Variants in MED28 observed in about 807,000 individuals in gnomAD.
MED28 encodes mediator of RNA polymerase II transcription subunit 28.
MED28 carries 26 observed loss-of-function variants against 21.3 expected under a neutral mutation model. The observed-to-expected ratio is 1.22, with a 90% CI of 0.89 to 1.69. The LOEUF (loss-of-function observed/expected upper bound fraction) is 1.69. MED28 is among the 40% of genes most tolerant of loss of function. MED28 has a pLI of 0.00. For synonymous variants in MED28, 110 were observed against 87.6 expected (o/e 1.26, Z -1.43); for missense variants, 257 against 215.4 (o/e 1.19, Z -1.21).
chr4:17,614,858 T>C lies in MED28; in HGVS notation c.159+45T>C, dbSNP rs767705736. On this transcript the variant is annotated intron_variant, in intron 1 of 3. Transcript: ENST00000237380. ...TCTTTGTCCCTAGCCTTCCCTTTTTTCTGAAACGTGAACTGCGCGTACGCG... is the reference window on the plus strand; with the variant it reads ...TCTTTGTCCCTAGCCTTCCCTTTTTCCTGAAACGTGAACTGCGCGTACGCG... The C allele has an allele frequency of 4.0e-5, 62 of 1,548,504 alleles. 1 individual carries two copies. The South Asian group carries it at 7.2e-4, about 18-fold the overall frequency.
Position 17,623,643 on chromosome 4 carries a change from C to G in MED28, c.382C>G (p.Leu128Val). The change falls in exon 4 of 4, where the codon CTA (leucine) becomes GTA (valine). Residue 128 changes from leucine to valine, a missense_variant. Physicochemically the swap from Leu to Val is conservative, Grantham distance 32. Transcript: ENST00000237380. Reference protein sequence around the residue: ...LRNELQRKDALVQKHLTKLRH... With the variant: ...LRNELQRKDAVVQKHLTKLRH... ...GAATGAATTACAGCGGAAAGATGCA[C>G]TAGTCCAGAAGCACTTGACAAAGCT... is the stretch of plus-strand genomic sequence containing the variant. 1.2e-6 allele frequency: 2 copies of G among 1,614,238 alleles called. No individual in the cohort carries two copies. The highest frequency in any genetic ancestry group is 8.5e-7 in the Non-Finnish European group (1 of 1,180,048).
chr4:17,633,576 T>C lies in MED28; in HGVS notation c.*9778T>C. The C allele has an allele frequency of 1.0e-6, 1 of 961,564 alleles. No individual in the cohort carries two copies. Among genetic ancestry groups the C allele is most frequent in the Non-Finnish European group, 1.5e-6 (1 of 678,378 alleles). The allele number at this position is 961,564 out of a possible 1,614,324, so 59.6% of individuals were successfully genotyped here. A position where few individuals can be genotyped will look rare whatever the true frequency, so the allele number is the denominator to read the frequency against. ...TGATTCAGTGTCCCTTGTCTAATCA[T>C]CCATGAAAAAAGGCCTTCTGGAATT... On this transcript the variant is annotated 3_prime_UTR_variant, in exon 4 of 4. Coordinates refer to ENST00000237380, the MANE Select transcript of MED28 (RefSeq NM_025205.5).
intron 3 of MED28, among the ~76,000 whole-genome samples, chr4:17,622,802 A>G (rs1284208863): frequency 1.1e-4 from 16 of 152,230 alleles, no homozygotes. Flanking sequence ...CCTCACAATC[A>G]TGGCAGAAGG....
chr4:17,623,164 G>A (rs922687085), intron 3 of MED28, among the ~76,000 whole-genome samples: 1 of 149,546 alleles, frequency 6.7e-6, no homozygotes, highest in African/African-American at 2.6e-5. Context: ...ACTTTGGGAG[G>A]CTGAAGCAGG....
At chr4:17,617,759 T>G (rs138311073) in intron 1 of MED28, among the ~76,000 whole-genome samples, 2,355 of 152,010 alleles carry the variant, frequency 0.015, 59 homozygotes, top group African/African-American at 0.049. Context: ...AATACAAAAA[T>G]TAGTGGTCTC....
In MED28 at chr4:17,632,982, CATG is replaced by C. The variant is rs1025476976; in HGVS notation, c.*9187_*9189del. The C allele has an allele frequency of 2.3e-5, 4 of 174,088 alleles. No homozygotes were observed. Among genetic ancestry groups the C allele is most frequent in the African/African-American group, 9.5e-5 (4 of 42,206 alleles). 10.8% of individuals were successfully genotyped at this position (174,088 alleles called of 1,614,324 possible). A position where few individuals can be genotyped will look rare whatever the true frequency, so the allele number is the denominator to read the frequency against. Reference sequence around the variant, plus strand: ...TGTCACCCAGGCTGGAGTGCAGTGGCATGATCTCGGCTCACTGCAACCTCCAGC... The same window carrying C: ...TGTCACCCAGGCTGGAGTGCAGTGGCATCTCGGCTCACTGCAACCTCCAGC... On this transcript the variant is annotated 3_prime_UTR_variant, in exon 4 of 4. Coordinates refer to ENST00000237380, the MANE Select transcript of MED28 (RefSeq NM_025205.5).
intron 2 of MED28, among the ~76,000 whole-genome samples, chr4:17,621,241 T>C (rs984172604): frequency 1.3e-5 from 2 of 151,858 alleles, no homozygotes; most frequent in Non-Finnish European, 1.5e-5. Flanking sequence ...CTCAATCTCC[T>C]AACCTCATGA....
intron 1 of MED28, among the ~76,000 whole-genome samples, chr4:17,619,397 G>A (rs1714552519): frequency 1.3e-5 from 2 of 152,216 alleles, no homozygotes; most frequent in Non-Finnish European, 2.9e-5. Context: ...ACTAGTAGGG[G>A]ACAGATAATA....
chr4:17,621,544 G>T lies in MED28; in HGVS notation c.227-43G>T, dbSNP rs1044605134. On this transcript the variant is annotated intron_variant, in intron 2 of 3. Transcript: ENST00000237380. ...ATTTATGAGGGAGATAAATGAGTCT[G>T]TTGTTTTTCTTATTTTAATAATTTT... The T allele has an allele frequency of 3.0e-6, 4 of 1,335,698 alleles. No individual in the cohort carries two copies. The African/African-American group carries it at 4.5e-5, about 15-fold the overall frequency. The allele number at this position is 1,335,698 out of a possible 1,614,324, so 82.7% of individuals were successfully genotyped here.
In MED28 at chr4:17,634,014, A is replaced by G. The variant is rs576248417; in HGVS notation, c.*10216A>G. 2 of 646,830 alleles carry G rather than the reference A, an allele frequency of 3.1e-6. No individual in the cohort carries two copies. Among genetic ancestry groups the G allele is most frequent in the African/African-American group, 3.8e-5 (2 of 52,898 alleles). The allele number at this position is 646,830 out of a possible 1,614,324, so 40.1% of individuals were successfully genotyped here. A position where few individuals can be genotyped will look rare whatever the true frequency, so the allele number is the denominator to read the frequency against. On this transcript the variant is annotated 3_prime_UTR_variant, in exon 4 of 4. Transcript: ENST00000237380. The stretch of plus-strand genomic sequence containing the variant: ...GAGAAGAAGCAACAATTTCATTTAT[A>G]CACTTACATGCTATTTTTTAAAGCA...
chr4:17,632,708 G>C lies in MED28; in HGVS notation c.*8910G>C, dbSNP rs1011784888. On this transcript the variant is annotated 3_prime_UTR_variant, in exon 4 of 4. Coordinates refer to ENST00000237380, the MANE Select transcript of MED28 (RefSeq NM_025205.5). Reference sequence around the variant, plus strand: ...AATACCCACCATCTTTTCAGGGAAAGATAACTGCTTGTTTACTCTTCAAAA... The same window carrying C: ...AATACCCACCATCTTTTCAGGGAAACATAACTGCTTGTTTACTCTTCAAAA... 2.2e-6 allele frequency: 2 copies of C among 915,726 alleles called. No homozygotes were observed. The highest frequency in any genetic ancestry group is 3.4e-6 in the Non-Finnish European group (2 of 591,978). 56.7% of individuals were successfully genotyped at this position (915,726 alleles called of 1,614,324 possible). A position where few individuals can be genotyped will look rare whatever the true frequency, so the allele number is the denominator to read the frequency against.
In MED28 at chr4:17,629,590, T is replaced by G. The variant is rs554837370; in HGVS notation, c.*5792T>G. 1 of 152,184 alleles carries G rather than the reference T, an allele frequency of 6.6e-6. No homozygotes were observed. The highest frequency in any genetic ancestry group is 1.5e-5 in the Non-Finnish European group (1 of 68,042). 9.4% of individuals were successfully genotyped at this position (152,184 alleles called of 1,614,324 possible). ...TTTTGCTGCAGGAACATATTAACTC[T>G]TCCACCCCTGTCATAATACAGCCTG... On this transcript the variant is annotated 3_prime_UTR_variant, in exon 4 of 4. Coordinates refer to ENST00000237380, the MANE Select transcript of MED28 (RefSeq NM_025205.5).
chr4:17,626,914 C>G lies in MED28; in HGVS notation c.*3116C>G, dbSNP rs1296679478. On this transcript the variant is annotated 3_prime_UTR_variant, in exon 4 of 4. Transcript: ENST00000237380. ...TTCCTCCCAGAAGAACCTCTGCCTCCCAGAGGTTTAAGCAGTTCTCCTGCC... is the reference window on the plus strand; with the variant it reads ...TTCCTCCCAGAAGAACCTCTGCCTCGCAGAGGTTTAAGCAGTTCTCCTGCC... 6.6e-6 allele frequency: 1 copy of G among 152,008 alleles called. No homozygotes were observed. Among genetic ancestry groups the G allele is most frequent in the Non-Finnish European group, 1.5e-5 (1 of 68,088 alleles). 9.4% of individuals were successfully genotyped at this position (152,008 alleles called of 1,614,324 possible).
At chr4:17,619,132 C>T (rs540355137) in intron 1 of MED28, among the ~76,000 whole-genome samples, 2 of 152,200 alleles carry the variant, frequency 1.3e-5, no homozygotes, top group South Asian at 2.1e-4. Flanking sequence ...TGCCCACTTC[C>T]TGCAGTGGGC....
In MED28 at chr4:17,625,747, C is replaced by T. The variant is rs1014507856; in HGVS notation, c.*1949C>T. The T allele has an allele frequency of 3.0e-5, 13 of 428,222 alleles. No individual in the cohort carries two copies. The highest frequency in any genetic ancestry group is 6.8e-4 in the Middle Eastern group (2 of 2,926). 26.5% of individuals were successfully genotyped at this position (428,222 alleles called of 1,614,324 possible). On this transcript the variant is annotated 3_prime_UTR_variant, in exon 4 of 4. Transcript: ENST00000237380. ...AATCACAAGCCATCTTCTCAAGTTC[C>T]CCTAGAAACCTGTGGAATGCCCTCT...
chr4:17,620,889 G>A (rs1343016555), intron 2 of MED28, among the ~76,000 whole-genome samples: 8 of 151,512 alleles, frequency 5.3e-5, no homozygotes, highest in African/African-American at 1.9e-4. Flanking sequence ...TTATTTTTTT[G>A]TGGAGATGGG....
rs1714869916 is a variant in MED28 at position 17,629,716 on chromosome 4, T to C, written c.*5918T>C. The C allele has an allele frequency of 6.6e-6, 1 of 152,262 alleles. No homozygotes were observed. The highest frequency in any genetic ancestry group is 2.4e-5 in the African/African-American group (1 of 41,474). The allele number at this position is 152,262 out of a possible 1,614,324, so 9.4% of individuals were successfully genotyped here. On this transcript the variant is annotated 3_prime_UTR_variant, in exon 4 of 4. Transcript: ENST00000237380. ...CACTGTCACCTCTACGCCATCACTG[T>C]CATCTCTAGACCGCTCTGCTGTTGA...
chr4:17,623,838 C>A lies in MED28; in HGVS notation c.*40C>A. On this transcript the variant is annotated 3_prime_UTR_variant, in exon 4 of 4. Coordinates refer to ENST00000237380, the MANE Select transcript of MED28 (RefSeq NM_025205.5). ...CAGTTGGCCTATGAGTGGGCTGATG[C>A]GTGAGGTTGGCCACACATTCCTTCC... The A allele has an allele frequency of 6.3e-7, 1 of 1,576,142 alleles. No homozygotes were observed.
intron 3 of MED28, among the ~76,000 whole-genome samples, chr4:17,621,981 A>T (rs1237539520): frequency 6.6e-6 from 1 of 152,228 alleles, no homozygotes; most frequent in Admixed American, 6.5e-5. Flanking sequence ...CTGCCATGTG[A>T]AAAAAGGACA....
Sources: gnomAD v4.1 joint callset for allele counts (sites outside exome capture counted in the v4.1 genomes callset) on GRCh38, gnomAD v4.1.1 for gene constraint, MANE v1.5 for transcripts, NCBI Gene and HGNC (gene_info 2026-07-23, HGNC 2026-07-21) for gene names.